ERG: variants seen among roughly 807,000 people sequenced by gnomAD.
ERG encodes ETS transcription factor ERG.
In ERG, 9 loss-of-function variants were observed where a neutral mutation model predicts 55.3. The observed-to-expected ratio is 0.16, with a 90% CI of 0.10 to 0.28. The LOEUF (loss-of-function observed/expected upper bound fraction) is 0.28, where lower values mean the gene tolerates loss of function less well. Among genes scored for constraint, ERG ranks in the 10% least tolerant of loss-of-function variants. The probability of loss-of-function intolerance (pLI) is 1.00; values close to 1 mark genes in which losing one functional copy is unlikely to be tolerated. For missense variants in ERG, 434 were observed against 631.6 expected (o/e 0.69, Z 3.35); for synonymous variants, 223 against 237.3 (o/e 0.94, Z 0.55).
intron 3 of ERG, among the ~76,000 whole-genome samples, chr21:38,404,130 A>C: frequency 6.6e-6 from 1 of 152,318 alleles, no homozygotes; most frequent in Middle Eastern, 3.4e-3. Context: ...TAAGCCACAC[A>C]TATCAGGAAG....
chr21:38,411,323 A>G (rs933733328), intron 3 of ERG, among the ~76,000 whole-genome samples: 3 of 151,998 alleles, frequency 2.0e-5, no homozygotes, highest in Non-Finnish European at 4.4e-5. Context: ...ATTTTATTTT[A>G]TTTTATTTTT....
intron 1 of ERG, among the ~76,000 whole-genome samples, chr21:38,594,001 C>T (rs2060116613): frequency 6.6e-6 from 1 of 152,026 alleles, no homozygotes; most frequent in South Asian, 2.1e-4. Context: ...TCGTATATCA[C>T]ATTGTTGACA....
At chr21:38,455,953 C>T (rs191544957) in intron 1 of ERG, among the ~76,000 whole-genome samples, 272 of 150,540 alleles carry the variant, frequency 1.8e-3, no homozygotes, top group African/African-American at 6.1e-3. Flanking sequence ...AAGAAGAAGC[C>T]GCAAGACCAC....
chr21:38,438,639 C>G (rs1382389108), intron 2 of ERG, among the ~76,000 whole-genome samples: 1 of 152,242 alleles, frequency 6.6e-6, no homozygotes. Context: ...AGCATTGTCT[C>G]TCGCTGCACA....
intron 1 of ERG, among the ~76,000 whole-genome samples, chr21:38,591,182 C>T (rs182925120): frequency 2.0e-5 from 3 of 152,304 alleles, no homozygotes; most frequent in African/African-American, 7.2e-5. Flanking sequence ...AGTTCAGTGT[C>T]GCAACTGCAG....
chr21:38,623,271 A>C (rs1416710342), intron 1 of ERG, among the ~76,000 whole-genome samples: 2 of 145,748 alleles, frequency 1.4e-5, no homozygotes, highest in Non-Finnish European at 3.0e-5. Context: ...CATAACCCAC[A>C]CACATCACAT....
In ERG at chr21:38,460,136, A is replaced by T. The variant is rs773709000; in HGVS notation, c.19-14515T>A. ...GAATAGGCCTTCCAGCCTTGGCAAC[A>T]GCTAGAACAAGGCCAGAGTGGACTG... On this transcript the variant is annotated intron_variant, in intron 1 of 9. Transcript: ENST00000288319. This position sits in a 1 kb window ranked among gnomAD's most constrained non-coding sequence, Gnocchi z 5.0. Among the ~76,000 whole-genome samples, 1 of 152,208 alleles carries T rather than the reference A, an allele frequency of 6.6e-6. No individual in the cohort carries two copies. Among genetic ancestry groups the T allele is most frequent in the Non-Finnish European group, 1.5e-5 (1 of 68,030 alleles).
At chr21:38,599,785 C>T (rs563122736) in intron 1 of ERG, among the ~76,000 whole-genome samples, 5 of 152,278 alleles carry the variant, frequency 3.3e-5, no homozygotes, top group South Asian at 4.1e-4. Context: ...TGAGGAGACT[C>T]GGAACAGGGA....
chr21:38,476,792 G>A (rs1210359279), intron 1 of ERG, among the ~76,000 whole-genome samples: 1 of 152,078 alleles, frequency 6.6e-6, no homozygotes, highest in Non-Finnish European at 1.5e-5. Context: ...ACGTTTAGGG[G>A]GAAAAGGTGG....
chr21:38,579,368 C>T (rs191019694), intron 1 of ERG, among the ~76,000 whole-genome samples: 4 of 152,294 alleles, frequency 2.6e-5, no homozygotes, highest in African/African-American at 9.6e-5. Flanking sequence ...AGATGCAACA[C>T]AGTCCTGATC....
intron 1 of ERG, among the ~76,000 whole-genome samples, chr21:38,628,403 G>C (rs768975207): frequency 2.4e-4 from 37 of 152,118 alleles, no homozygotes; most frequent in African/African-American, 8.7e-4. Flanking sequence ...CCATCTAAGG[G>C]ACCACATGAG....
chr21:38,619,463 C>G (rs779185227), intron 1 of ERG, among the ~76,000 whole-genome samples: 25 of 152,164 alleles, frequency 1.6e-4, no homozygotes, highest in Non-Finnish European at 2.9e-4. Context: ...GCTTCACTCT[C>G]TGGCCTTGCA....
intron 1 of ERG, among the ~76,000 whole-genome samples, chr21:38,463,760 G>A (rs527410012): frequency 3.9e-5 from 6 of 152,234 alleles, no homozygotes; most frequent in Non-Finnish European, 8.8e-5. Flanking sequence ...GTGCTGGTTG[G>A]GGGGAAGCTG....
chr21:38,416,108 G>A (rs1421315912), intron 3 of ERG, among the ~76,000 whole-genome samples: 1 of 152,192 alleles, frequency 6.6e-6, no homozygotes, highest in African/African-American at 2.4e-5. Flanking sequence ...TGGAAACTAT[G>A]CAGTCCTCTA....
chr21:38,654,165 G>T (rs1393566312), intron 1 of ERG, among the ~76,000 whole-genome samples: 1 of 152,244 alleles, frequency 6.6e-6, no homozygotes, highest in Non-Finnish European at 1.5e-5. Context: ...CTTCAGAACT[G>T]ATACTATTTC....
intron 2 of ERG, among the ~76,000 whole-genome samples, chr21:38,543,364 T>A (rs28720368): frequency 0.08 from 11,849 of 148,964 alleles, 658 homozygotes; most frequent in African/African-American, 0.15. Context: ...TGTTTTTTTT[T>A]AAAAAAAAAG....
intron 1 of ERG, among the ~76,000 whole-genome samples, chr21:38,633,874 A>T (rs2060371927): frequency 5.0e-5 from 1 of 20,190 alleles, no homozygotes; most frequent in Non-Finnish European, 9.2e-5. Flanking sequence ...GCAGCAGTTG[A>T]TATGAAAAAA....
rs190524714 is a variant in ERG, at chr21:38,504,713, G to A, written c.-41+70949C>T. 2.7e-4 allele frequency among the ~76,000 whole-genome samples: 41 copies of A among 152,220 alleles called. 1 individual carries two copies. The highest frequency in any genetic ancestry group is 8.2e-4 in the African/African-American group (34 of 41,532). On this transcript the variant is annotated intron_variant, in intron 2 of 8. Transcript: ENST00000398897. Reference sequence around the variant, plus strand: ...CTGACTGGCATCCCACTCTACCCCCGACTCAGATCCAAAGTATCCTTTCCC... The same window carrying A: ...CTGACTGGCATCCCACTCTACCCCCAACTCAGATCCAAAGTATCCTTTCCC...
Position 38,445,811 on chromosome 21 carries a change from C to T in ERG, c.19-190G>A, listed in dbSNP as rs114720402. ...TCGGGACAGTAAGAGTTAGAAATGC[C>T]AGCCTAGAAAAACTTTTATGCAGGT... is the stretch of plus-strand genomic sequence containing the variant. On this transcript the variant is annotated intron_variant, in intron 1 of 9. Transcript: ENST00000288319. Among the ~76,000 whole-genome samples, 708 of 151,988 alleles carry T rather than the reference C, an allele frequency of 4.7e-3. 6 individuals are homozygous for T. The highest frequency in any genetic ancestry group is 0.015 in the African/African-American group (641 of 41,426).
Sources: gnomAD v4.1 joint callset for allele counts (sites outside exome capture counted in the v4.1 genomes callset) on GRCh38, gnomAD v4.1.1 for gene constraint, Gnocchi (gnomAD v3.1) non-coding constraint, MANE v1.5 for transcripts, NCBI Gene and HGNC (gene_info 2026-07-23, HGNC 2026-07-21) for gene names.